ST7L: variants seen among roughly 807,000 people sequenced by gnomAD.
ST7L encodes suppressor of tumorigenicity 7 protein-like.
ST7L carries 57 observed loss-of-function variants against 72.5 expected under a neutral mutation model. The observed-to-expected ratio is 0.79, with a 90% CI of 0.64 to 0.98. The LOEUF is 0.98. Among genes scored for constraint, ST7L ranks in the 50% least tolerant of loss-of-function variants. ST7L has a pLI of 0.00. For synonymous variants in ST7L, 221 were observed against 240.9 expected, an observed-to-expected ratio of 0.92 and a Z score of 0.77; for missense variants, 576 against 672.2, an observed-to-expected ratio of 0.86 and a Z score of 1.58.
chr1:112,610,896 T>C lies in ST7L; in HGVS notation c.396A>G (p.Glu132=). ...LMGGTESSIS[E]PGSPSRNREN... is the part of the protein sequence containing the mutation. ...CTCTGTTCCTCGAAGGAGAACCTGG[T>C]TCTGAAATGCTGCTCTCTGTTCCTC... The change falls in exon 3 of 15, where the codon GAA becomes GAG. Residue 132 remains glutamate (E), a synonymous_variant. Coordinates refer to ENST00000358039, the MANE Select transcript of ST7L (RefSeq NM_017744.5). 6.2e-7 allele frequency: 1 copy of C among 1,614,238 alleles called. No homozygotes were observed. The highest frequency in any genetic ancestry group is 8.5e-7 in the Non-Finnish European group (1 of 1,180,044).
chr1:112,614,941 ATT>A (rs770334706), intron 2 of ST7L, among the ~76,000 whole-genome samples: 3 of 152,050 alleles, frequency 2.0e-5, no homozygotes, highest in African/African-American at 7.2e-5. Context: ...AAAATATTTT[ATT>A]TTTTTTAAAT....
chr1:112,580,195 C>T (rs1558012389), intron 9 of ST7L, among the ~76,000 whole-genome samples: 1 of 152,150 alleles, frequency 6.6e-6, no homozygotes, highest in Non-Finnish European at 1.5e-5. Flanking sequence ...GTCACCCAGG[C>T]TGGAATACAG....
rs184309261 is a variant in ST7L, at chr1:112,606,738, G to A, written c.451+4103C>T. Among the ~76,000 whole-genome samples, 15 of 152,334 alleles carry A rather than the reference G, an allele frequency of 9.8e-5. No homozygotes were observed. The East Asian group carries it at 2.9e-3, about 29-fold the overall frequency. ...CTGAAGGTTGGAAGTCCAAGATCAAGGTACTAGAATGGTTGGGCTCTGGTG... is the reference window on the plus strand; with the variant it reads ...CTGAAGGTTGGAAGTCCAAGATCAAAGTACTAGAATGGTTGGGCTCTGGTG... On this transcript the variant is annotated intron_variant, in intron 3 of 14. Transcript: ENST00000358039.
In ST7L at chr1:112,577,457, G is replaced by A. The variant is rs1360359953; in HGVS notation, c.1143-369C>T. ...AGGCAGGAGAATCACTTGTACCCGGGAGGCAGAGGTTGCAGTGAGCCAAGA... is the reference window on the plus strand; with the variant it reads ...AGGCAGGAGAATCACTTGTACCCGGAAGGCAGAGGTTGCAGTGAGCCAAGA... On this transcript the variant is annotated intron_variant, in intron 10 of 14. Coordinates refer to ENST00000358039, the MANE Select transcript of ST7L (RefSeq NM_017744.5). 2.7e-5 allele frequency among the ~76,000 whole-genome samples: 4 copies of A among 148,102 alleles called. No homozygotes were observed. The Admixed American group carries it at 2.7e-4, about 10-fold the overall frequency.
chr1:112,570,545 G>GTATATATATATA (rs71584748), intron 11 of ST7L, among the ~76,000 whole-genome samples: 4,302 of 129,662 alleles, frequency 0.033, 87 homozygotes, highest in Non-Finnish European at 0.046. Context: ...AATAAAAGAT[G>GTATATATATATA]TATATATATA....
At chr1:112,557,352 T>C (rs115346659) in intron 11 of ST7L, among the ~76,000 whole-genome samples, 2 of 152,338 alleles carry the variant, frequency 1.3e-5, no homozygotes, top group African/African-American at 4.8e-5. Context: ...ATTTTGTGAC[T>C]GGTTTCTTTC....
chr1:112,520,623 T>A, downstream of ST7L: 1 of 1,114,170 alleles, frequency 9.0e-7, no homozygotes, highest in Non-Finnish European at 1.3e-6. Context: ...CGCTTCTATT[T>A]AAGGATGTAG....
rs1263216528 is a variant in ST7L at position 112,619,053 on chromosome 1, G to C, written c.61C>G (p.Pro21Ala). The C allele has an allele frequency of 6.2e-6, 10 of 1,613,846 alleles. No individual in the cohort carries two copies. The African/African-American group carries it at 1.2e-4, about 19-fold the overall frequency. The stretch of plus-strand genomic sequence containing the variant: ...CAGCCTAGCGTCGGGTTTAGGCCAG[G>C]GACAGATGCAGGAGACGCTCCAACA... The part of the protein sequence containing the change: ...AAVGASPASV[P>A]GLNPTLGWRE... Residue 21 changes from proline (P) to alanine (A), a missense_variant, in exon 1 of 15, where the codon CCT becomes GCT. Physicochemically the swap from Pro to Ala is conservative, Grantham distance 27 (BLOSUM62 -1). Coordinates refer to ENST00000358039, the MANE Select transcript of ST7L (RefSeq NM_017744.5).
At chr1:112,566,947 T>C (rs757999027) in intron 11 of ST7L, among the ~76,000 whole-genome samples, 2 of 152,222 alleles carry the variant, frequency 1.3e-5, no homozygotes, top group Non-Finnish European at 2.9e-5. Context: ...TGTGGACATA[T>C]GATTTCATTT....
chr1:112,527,726 T>A (rs1017999920), intron 14 of ST7L: 6 of 152,512 alleles, frequency 3.9e-5, no homozygotes, highest in African/African-American at 9.6e-5. Context: ...CTTGAAGGTG[T>A]CTAAGTAGAA....
chr1:112,536,834 C>T (rs1319810508), intron 14 of ST7L, among the ~76,000 whole-genome samples: 3 of 152,106 alleles, frequency 2.0e-5, no homozygotes, highest in Admixed American at 6.6e-5. Flanking sequence ...CCATTCCCAC[C>T]GCAGCACAGC....
At chr1:112,600,495 C>T (rs1667222137) in intron 4 of ST7L, among the ~76,000 whole-genome samples, 1 of 151,934 alleles carries the variant, frequency 6.6e-6, no homozygotes, top group South Asian at 2.1e-4. Flanking sequence ...ACTTGGGAGG[C>T]TGAGGCAGGA....
chr1:112,566,898 A>G (rs147711221), intron 11 of ST7L, among the ~76,000 whole-genome samples: 1 of 152,310 alleles, frequency 6.6e-6, no homozygotes, highest in Non-Finnish European at 1.5e-5. Flanking sequence ...TGGGGCTATT[A>G]TAAATAGAAC....
At chr1:112,600,724 A>T in intron 4 of ST7L, 70 bp downstream of exon 4, 1 of 1,335,734 alleles carries the variant, frequency 7.5e-7, no homozygotes, top group Non-Finnish European at 1.1e-6. Flanking sequence ...ATTTATAAAG[A>T]CAAATGATTT....
chr1:112,605,979 T>A (rs979662400), intron 3 of ST7L, among the ~76,000 whole-genome samples: 3 of 152,240 alleles, frequency 2.0e-5, no homozygotes, highest in African/African-American at 7.2e-5. Flanking sequence ...AGCTCTATGG[T>A]CTGGTCCTGT....
intron 11 of ST7L, among the ~76,000 whole-genome samples, chr1:112,559,804 C>A (rs1016748761): frequency 2.0e-5 from 3 of 151,756 alleles, no homozygotes; most frequent in Non-Finnish European, 4.4e-5. Context: ...GATGGTGAAA[C>A]CCCGTCTCTA....
At chr1:112,592,823 G>C (rs1005413691) in intron 5 of ST7L, among the ~76,000 whole-genome samples, 37 of 151,654 alleles carry the variant, frequency 2.4e-4, no homozygotes, top group African/African-American at 8.3e-4. Flanking sequence ...AAAACATTGT[G>C]ATAACAATCT....
chr1:112,530,030 T>A (rs1654115944), intron 14 of ST7L: 1 of 152,188 alleles, frequency 6.6e-6, no homozygotes, highest in Non-Finnish European at 1.5e-5. Context: ...TAACTTACTA[T>A]CTGGAGATGT....
Position 112,526,037 on chromosome 1 carries a change from T to G in ST7L, c.1704A>C (p.Glu568Asp), listed in dbSNP as rs1256350353. 4 of 1,614,184 alleles carry G rather than the reference T, an allele frequency of 2.5e-6. No homozygotes were observed. ...CTCAGCCAGAACTCAAACCTAGGTC[T>G]TCTGACTTCAAATCCTGTGTATTCT... ...FEENTQDLKS[E>D]DLGLSSG The change falls in exon 15 of 15, where the codon GAA becomes GAC. Residue 568 changes from glutamate (E) to aspartate (D), a missense_variant. Coordinates refer to ENST00000358039, the MANE Select transcript of ST7L (RefSeq NM_017744.5).
Sources: allele counts gnomAD v4.1 joint callset (sites outside exome capture counted in the v4.1 genomes callset), GRCh38; gene constraint gnomAD v4.1.1; transcripts MANE v1.5; gene names NCBI Gene and HGNC (gene_info 2026-07-23, HGNC 2026-07-21).